SORCS2: variants seen among roughly 807,000 people sequenced by gnomAD.
SORCS2 encodes sortilin related VPS10 domain containing receptor 2, also known as VPS10 domain-containing receptor SorCS2.
Under a neutral mutation model 141.6 loss-of-function variants are expected in SORCS2, and 100 were observed. That is an observed-to-expected ratio of 0.71 (90% CI 0.60 to 0.83). The LOEUF is 0.83. Among genes scored for constraint, SORCS2 ranks in the 40% least tolerant of loss-of-function variants. SORCS2 has a pLI of 0.00. For missense variants in SORCS2, 1,646 were observed against 1,560.2 expected (o/e 1.05, Z -0.93); for synonymous variants, 789 against 676.9 (o/e 1.17, Z -2.57).
chr4:7,548,856 G>C (rs1713468984), intron 3 of SORCS2, among the ~76,000 whole-genome samples: 6 of 152,232 alleles, frequency 3.9e-5, no homozygotes. Flanking sequence ...GAAGGCAATA[G>C]CCTAAAATCC....
intron 3 of SORCS2, among the ~76,000 whole-genome samples, chr4:7,557,572 A>G (rs1441006973): frequency 6.6e-6 from 1 of 152,230 alleles, no homozygotes; most frequent in African/African-American, 2.4e-5. Context: ...ACTGCTCTGG[A>G]CTAGATTCTG....
At chr4:7,304,747 T>C (rs1394743961) in intron 1 of SORCS2, among the ~76,000 whole-genome samples, 2 of 152,228 alleles carry the variant, frequency 1.3e-5, no homozygotes, top group East Asian at 3.9e-4. Context: ...AGACCTGGTC[T>C]GTGCAGAGCT....
intron 1 of SORCS2, among the ~76,000 whole-genome samples, chr4:7,225,974 G>A (rs964813090): frequency 4.6e-5 from 7 of 152,186 alleles, no homozygotes; most frequent in Non-Finnish European, 1.0e-4. Flanking sequence ...GGTTCAAGGG[G>A]AGGCAACAAA....
intron 12 of SORCS2, among the ~76,000 whole-genome samples, chr4:7,699,831 G>A (rs1046798044): frequency 2.0e-5 from 3 of 152,192 alleles, no homozygotes; most frequent in Admixed American, 2.0e-4. Context: ...GAGACAGAGA[G>A]CTCACTCCTT....
intron 8 of SORCS2, among the ~76,000 whole-genome samples, chr4:7,674,612 C>G (rs1302675045): frequency 1.4e-5 from 2 of 146,904 alleles, no homozygotes; most frequent in South Asian, 4.5e-4. Context: ...AAAAGCAACC[C>G]TCTCCTTTTC....
chr4:7,693,166 A>ACCTCATCTTCACCCTTTCTT (rs71647620), intron 11 of SORCS2, among the ~76,000 whole-genome samples: 3 of 150,894 alleles, frequency 2.0e-5, no homozygotes, highest in African/African-American at 4.9e-5. Flanking sequence ...TCTGAAGGAT[A>ACCTCATCTTCACCCTTTCTT]CCTCATCTTC....
chr4:7,569,680 C>G (rs937622573), intron 3 of SORCS2, among the ~76,000 whole-genome samples: 12 of 152,170 alleles, frequency 7.9e-5, no homozygotes, highest in African/African-American at 2.9e-4. Context: ...GACGTGGAAT[C>G]ATAAGTCCAG....
At chr4:7,232,126 G>A (rs887321100) in intron 1 of SORCS2, among the ~76,000 whole-genome samples, 2 of 152,204 alleles carry the variant, frequency 1.3e-5, no homozygotes, top group African/African-American at 4.8e-5. Context: ...TGCATAGCTT[G>A]GGGCACAGCG....
At chr4:7,644,473 C>T (rs1389557857) in intron 4 of SORCS2, among the ~76,000 whole-genome samples, 1 of 152,198 alleles carries the variant, frequency 6.6e-6, no homozygotes, top group Non-Finnish European at 1.5e-5. Context: ...TTTCATCTTC[C>T]AAAATTGGCA....
chr4:7,349,526 G>C (rs3864198), intron 1 of SORCS2, among the ~76,000 whole-genome samples: 71,570 of 151,878 alleles, frequency 0.47, 17,158 homozygotes, highest in African/African-American at 0.54. Flanking sequence ...GCTGGGTGAG[G>C]TGGGGGCTGG....
intron 1 of SORCS2, among the ~76,000 whole-genome samples, chr4:7,219,106 T>TGCCTC (rs1057401367): frequency 6.6e-6 from 1 of 152,130 alleles, no homozygotes; most frequent in African/African-American, 2.4e-5. Flanking sequence ...GCACCACCTA[T>TGCCTC]GCCTCCTGCT....
At chr4:7,702,819 C>A (rs1294452577) in intron 12 of SORCS2, among the ~76,000 whole-genome samples, 1 of 152,248 alleles carries the variant, frequency 6.6e-6, no homozygotes, top group Non-Finnish European at 1.5e-5. Context: ...GGGCTTGGAG[C>A]CCAGAGGCCA....
chr4:7,446,619 G>A (rs1228622500), intron 2 of SORCS2, among the ~76,000 whole-genome samples: 5 of 152,174 alleles, frequency 3.3e-5, no homozygotes, highest in African/African-American at 9.7e-5. Flanking sequence ...GAGCAGCCTT[G>A]TTGGGGTGAT....
At position 7,459,826 on chromosome 4, in the gene SORCS2, T is replaced by C. The variant is rs201529730; in HGVS notation, c.548+63471T>C. Among the ~76,000 whole-genome samples the C allele has an allele frequency of 5.3e-5, 8 of 152,174 alleles. No individual in the cohort carries two copies. In the East Asian group the frequency reaches 1.5e-3, roughly 29 times the overall value. ...TCCTGTGAAGCCAGCCTGGTCACATTGAGGGCATTAGCCAGGGCCATCCAC... is the reference window on the plus strand; with the variant it reads ...TCCTGTGAAGCCAGCCTGGTCACATCGAGGGCATTAGCCAGGGCCATCCAC... On this transcript the variant is annotated intron_variant, in intron 2 of 26. Transcript: ENST00000507866.
chr4:7,628,694 G>T (rs947384514), intron 3 of SORCS2, among the ~76,000 whole-genome samples: 3 of 152,090 alleles, frequency 2.0e-5, no homozygotes, highest in Admixed American at 2.0e-4. Flanking sequence ...GCCAGGAAGT[G>T]AGCACAATAA....
chr4:7,445,410 G>A (rs10013011), intron 2 of SORCS2, among the ~76,000 whole-genome samples: 33,880 of 151,948 alleles, frequency 0.22, 4,692 homozygotes, highest in African/African-American at 0.4. Context: ...CCAAGATGTG[G>A]GAGGGCATCC....
chr4:7,557,204 A>G (rs1045432544), intron 3 of SORCS2, among the ~76,000 whole-genome samples: 1 of 152,192 alleles, frequency 6.6e-6, no homozygotes, highest in Non-Finnish European at 1.5e-5. Flanking sequence ...GTCAACCAAG[A>G]AAGTGCCCAA....
At chr4:7,623,292 C>CATT (rs1028159532) in intron 3 of SORCS2, among the ~76,000 whole-genome samples, 2 of 152,092 alleles carry the variant, frequency 1.3e-5, no homozygotes, top group African/African-American at 4.8e-5. Flanking sequence ...TGGAGACATC[C>CATT]ATTTCCCACC....
chr4:7,636,410 C>T (rs769995161), intron 3 of SORCS2, among the ~76,000 whole-genome samples: 6 of 152,208 alleles, frequency 3.9e-5, no homozygotes, highest in Admixed American at 2.0e-4. Flanking sequence ...AATGAAGGAA[C>T]GAACGAACAC....
Sources: gnomAD v4.1 joint callset for allele counts (sites outside exome capture counted in the v4.1 genomes callset) on GRCh38, gnomAD v4.1.1 for gene constraint, MANE v1.5 for transcripts, NCBI Gene and HGNC (gene_info 2026-07-23, HGNC 2026-07-21) for gene names.